The following DCC variants were observed in gnomAD, a reference collection of about 807,000 sequenced individuals.
DCC encodes the protein netrin receptor DCC.
DCC carries 58 observed loss-of-function variants against 172.5 expected under a neutral mutation model. The observed-to-expected ratio is 0.34, with a 90% CI of 0.27 to 0.42. DCC has a LOEUF of 0.42. Among genes scored for constraint, DCC ranks in the 10% least tolerant of loss-of-function variants. The pLI is 1.00. For synonymous variants in DCC, 709 were observed against 644.5 expected, an observed-to-expected ratio of 1.10 and a Z score of -1.52; for missense variants, 1,740 against 1,791.0, an observed-to-expected ratio of 0.97 and a Z score of 0.51.
At chr18:52,878,579 C>T (rs1949162575) in intron 2 of DCC, among the ~76,000 whole-genome samples, 1 of 152,156 alleles carries the variant, frequency 6.6e-6, no homozygotes, top group South Asian at 2.1e-4. Flanking sequence ...ATTATTATGA[C>T]TCTGAGACAA....
Position 53,213,647 on chromosome 18 carries a change from C to CAAAAAAAA in DCC, c.1862-1881_1862-1874dup, listed in dbSNP as rs34284373. Among the ~76,000 whole-genome samples the CAAAAAAAA allele has an allele frequency of 1.4e-4, 5 of 35,376 alleles. 1 individual carries two copies. Among genetic ancestry groups the CAAAAAAAA allele is most frequent in the African/African-American group, 3.0e-4 (5 of 16,666 alleles). The allele number at this position is 35,376 out of a possible 152,430, so 23.2% of individuals were successfully genotyped here. The stretch of plus-strand genomic sequence containing the variant: ...TGGGTGACAGAGCGAGACTCCGTCT[C>CAAAAAAAA]AAAAAAAAAAAAAAAAAAAAAAAAA... On this transcript the variant is annotated intron_variant, in intron 11 of 28. Transcript: ENST00000442544.
At chr18:52,851,848 A>G (rs981885667) in intron 2 of DCC, among the ~76,000 whole-genome samples, 2 of 152,138 alleles carry the variant, frequency 1.3e-5, no homozygotes, top group African/African-American at 4.8e-5. Context: ...TTGCTGTTTA[A>G]ACAACCTTTA....
In DCC at chr18:52,985,328, A is replaced by G. The variant is rs181813607; in HGVS notation, c.985+59958A>G. Among the ~76,000 whole-genome samples, 4 of 152,306 alleles carry G rather than the reference A, an allele frequency of 2.6e-5. No individual in the cohort carries two copies. The East Asian group carries it at 7.7e-4, about 29-fold the overall frequency. On this transcript the variant is annotated intron_variant, in intron 5 of 28. Coordinates refer to ENST00000442544, the MANE Select transcript of DCC (RefSeq NM_005215.4). ...AATATCAAGCATCATTATTTTCATC[A>G]TACTTACTTAATAGTACAGCTGAAA... is the stretch of plus-strand genomic sequence containing the variant.
chr18:52,781,100 T>A (rs2037532704), intron 2 of DCC, among the ~76,000 whole-genome samples: 1 of 152,266 alleles, frequency 6.6e-6, no homozygotes, highest in East Asian at 1.9e-4. Flanking sequence ...TGAATAATGC[T>A]CAGCCATGTA....
intron 1 of DCC, among the ~76,000 whole-genome samples, chr18:52,602,786 C>T (rs748824585): frequency 5.9e-5 from 9 of 151,878 alleles, no homozygotes; most frequent in Non-Finnish European, 1.0e-4. Flanking sequence ...TTCAATGTTA[C>T]CACTTGACAA....
chr18:52,434,575 T>C (rs1158193194), intron 1 of DCC, among the ~76,000 whole-genome samples: 1 of 152,198 alleles, frequency 6.6e-6, no homozygotes, highest in Admixed American at 6.5e-5. Flanking sequence ...ATTAAATTTG[T>C]TCTCCATTTC....
intron 1 of DCC, among the ~76,000 whole-genome samples, chr18:52,634,482 G>T (rs570780481): frequency 1.3e-5 from 2 of 152,180 alleles, no homozygotes; most frequent in Admixed American, 1.3e-4. Context: ...TCATGGGGAA[G>T]TGGGAATGAT....
chr18:52,565,420 T>A (rs939786780), intron 1 of DCC, among the ~76,000 whole-genome samples: 1 of 152,154 alleles, frequency 6.6e-6, no homozygotes, highest in Non-Finnish European at 1.5e-5. Context: ...CGCCACACTG[T>A]CTTCCACAAT....
At chr18:52,646,771 G>C (rs2035027327) in intron 1 of DCC, among the ~76,000 whole-genome samples, 1 of 152,278 alleles carries the variant, frequency 6.6e-6, no homozygotes, top group East Asian at 1.9e-4. Flanking sequence ...CCAGTACATG[G>C]AGACATTCAC....
At chr18:52,463,158 G>A (rs1358024258) in intron 1 of DCC, among the ~76,000 whole-genome samples, 1 of 152,072 alleles carries the variant, frequency 6.6e-6, no homozygotes, top group Admixed American at 6.6e-5. Flanking sequence ...TTTAATTTGA[G>A]CCTCACAACC....
intron 15 of DCC, among the ~76,000 whole-genome samples, chr18:53,375,035 G>C (rs990005217): frequency 6.6e-6 from 1 of 152,150 alleles, no homozygotes; most frequent in African/African-American, 2.4e-5. Context: ...ACCTGGCTTG[G>C]AATCTGAGCA....
chr18:53,422,922 G>T (rs1212962222), intron 21 of DCC, among the ~76,000 whole-genome samples: 2 of 152,068 alleles, frequency 1.3e-5, no homozygotes, highest in Non-Finnish European at 2.9e-5. Flanking sequence ...ATTCTCACCT[G>T]GGTTTTTCAC....
chr18:53,298,897 AC>A (rs1311391555), intron 12 of DCC, among the ~76,000 whole-genome samples: 1 of 152,136 alleles, frequency 6.6e-6, no homozygotes, highest in Non-Finnish European at 1.5e-5. Flanking sequence ...GGAACATTAG[AC>A]CCCACAGTTG....
chr18:52,361,822 A>C (rs1464041744), intron 1 of DCC, among the ~76,000 whole-genome samples: 1 of 152,218 alleles, frequency 6.6e-6, no homozygotes, highest in African/African-American at 2.4e-5. Context: ...TGAGTTACTC[A>C]TGAATTAGCA....
intron 1 of DCC, among the ~76,000 whole-genome samples, chr18:52,562,829 C>T (rs1348487649): frequency 1.3e-5 from 2 of 151,504 alleles, no homozygotes; most frequent in Admixed American, 6.6e-5. Context: ...AGAGTCTCAC[C>T]ATCTTGCTTA....
chr18:53,362,244 G>A (rs1194914020), intron 15 of DCC, among the ~76,000 whole-genome samples: 2 of 152,086 alleles, frequency 1.3e-5, no homozygotes, highest in African/African-American at 4.8e-5. Flanking sequence ...ATCACATACA[G>A]AAATCAAAAG....
chr18:52,846,311 G>A (rs1857989374), intron 2 of DCC, among the ~76,000 whole-genome samples: 2 of 152,228 alleles, frequency 1.3e-5, no homozygotes, highest in East Asian at 3.9e-4. Context: ...GGAAGCTGAC[G>A]CAGGCAGATT....
intron 2 of DCC, among the ~76,000 whole-genome samples, chr18:52,796,084 TCCATTTACATGGAATATC>T (rs2037871822): frequency 7.3e-6 from 1 of 137,136 alleles, no homozygotes; most frequent in Non-Finnish European, 1.6e-5. Flanking sequence ...GCTTTTGGTT[TCCATTTACATGGAATATC>T]TTTTTTTATC....
intron 1 of DCC, among the ~76,000 whole-genome samples, chr18:52,416,695 C>G (rs982143179): frequency 4.1e-5 from 6 of 146,252 alleles, no homozygotes; most frequent in African/African-American, 1.3e-4. Context: ...AGGATTGCAA[C>G]CCCTGCCTTT....
Sources: gnomAD v4.1 joint callset for allele counts (sites outside exome capture counted in the v4.1 genomes callset) on GRCh38, gnomAD v4.1.1 for gene constraint, MANE v1.5 for transcripts, NCBI Gene and HGNC (gene_info 2026-07-23, HGNC 2026-07-21) for gene names.